TTBK2: variants seen among roughly 807,000 people sequenced by gnomAD.
TTBK2 encodes the protein tau-tubulin kinase 2.
Under a neutral mutation model 110.8 loss-of-function variants are expected in TTBK2, and 28 were observed. The ratio of observed to expected loss-of-function variants is 0.25; its 90% CI spans 0.19 to 0.35. The LOEUF (loss-of-function observed/expected upper bound fraction) is 0.35. TTBK2 is among the 10% of genes least tolerant of loss of function. TTBK2 has a pLI of 1.00. For missense variants in TTBK2, 1,369 were observed against 1,500.3 expected, an observed-to-expected ratio of 0.91 and a Z score of 1.45; for synonymous variants, 532 against 527.3, an observed-to-expected ratio of 1.01 and a Z score of -0.12.
chr15:42,784,407 A>G (rs897009168), intron 10 of TTBK2, among the ~76,000 whole-genome samples: 16 of 151,818 alleles, frequency 1.1e-4, no homozygotes, highest in African/African-American at 3.9e-4. Flanking sequence ...CCTCCTGAGT[A>G]GCTGGGATTA....
chr15:42,783,493 G>A lies in TTBK2; in HGVS notation c.1123C>T (p.Pro375Ser), dbSNP rs1265974015. 2 of 1,614,068 alleles carry A rather than the reference G, an allele frequency of 1.2e-6. No homozygotes were observed. Among genetic ancestry groups the A allele is most frequent in the Non-Finnish European group, 1.7e-6 (2 of 1,180,010 alleles). ...CAAACATCCTTCTCCTGGGGACGGG[G>A]GTGTCCCAGAGATCCAGGCAATTTA... ...PDKLPGSLGH[P>S]RPQEKDVWEE... Residue 375 changes from proline to serine, a missense_variant, in exon 11 of 15, where the codon CCC (proline) becomes TCC (serine). Physicochemically the swap from Pro to Ser is moderately conservative, Grantham distance 74. Around this residue, in one of 4 missense-constraint regions of TTBK2, gnomAD observed 1,097 missense variants for 1,114.7 expected, o/e 0.98. Transcript: ENST00000267890.
intron 13 of TTBK2, among the ~76,000 whole-genome samples, chr15:42,763,215 T>A (rs1889187058): frequency 2.0e-5 from 1 of 49,532 alleles, no homozygotes; most frequent in Non-Finnish European, 3.8e-5. Flanking sequence ...TTTTTTTTTT[T>A]TTTTTTTTTT....
chr15:42,795,482 AT>A (rs1413234294), intron 9 of TTBK2, among the ~76,000 whole-genome samples: 1 of 152,030 alleles, frequency 6.6e-6, no homozygotes, highest in Non-Finnish European at 1.5e-5. Flanking sequence ...AACATTTCCA[AT>A]TTTATGATTA....
intron 13 of TTBK2, among the ~76,000 whole-genome samples, chr15:42,764,774 T>G (rs776644074): frequency 1.3e-5 from 2 of 152,224 alleles, no homozygotes; most frequent in Non-Finnish European, 2.9e-5. Context: ...AGCATGGAGT[T>G]TGAGCTCGGA....
At chr15:42,859,552 A>T (rs1894075471) in intron 3 of TTBK2, among the ~76,000 whole-genome samples, 1 of 152,196 alleles carries the variant, frequency 6.6e-6, no homozygotes, top group Non-Finnish European at 1.5e-5. Context: ...AAGTATAGGC[A>T]CACTAAAAAA....
chr15:42,854,728 A>C (rs1191144957), intron 3 of TTBK2, among the ~76,000 whole-genome samples: 1 of 152,134 alleles, frequency 6.6e-6, no homozygotes, highest in Admixed American at 6.5e-5. Context: ...ATTATAATAA[A>C]GAGTTGACTG....
intron 3 of TTBK2, among the ~76,000 whole-genome samples, chr15:42,850,882 G>A (rs1389453953): frequency 6.6e-6 from 1 of 151,854 alleles, no homozygotes; most frequent in Non-Finnish European, 1.5e-5. Flanking sequence ...ATTACCCAAA[G>A]TGTGAGAAAA....
intron 1 of TTBK2, among the ~76,000 whole-genome samples, chr15:42,894,621 T>C (rs570240873): frequency 6.6e-6 from 1 of 152,022 alleles, no homozygotes; most frequent in African/African-American, 2.4e-5. Context: ...GACATGGTGA[T>C]GCACACCTGT....
At position 42,752,189 on chromosome 15, in the gene TTBK2, C is replaced by T. The variant is rs2140590771; in HGVS notation, c.3057G>A (p.Val1019=). ...CTGTCAGTCTTGAAAAGGGAGTGAG[C>T]ACTTCCTCCTCACAAAAGGGAGCAG... ...TVPAPFCEEE[V]LTPFSRLTVD... Residue 1019 remains valine, a synonymous_variant, in exon 14 of 15, where the codon GTG becomes GTA. Transcript: ENST00000267890. 6.2e-7 allele frequency: 1 copy of T among 1,614,154 alleles called. No homozygotes were observed. Among genetic ancestry groups the T allele is most frequent in the South Asian group, 1.1e-5 (1 of 91,068 alleles).
intron 4 of TTBK2, among the ~76,000 whole-genome samples, chr15:42,831,313 A>G (rs1009121679): frequency 6.6e-6 from 1 of 152,064 alleles, no homozygotes; most frequent in Non-Finnish European, 1.5e-5. Context: ...CTCCCATCTC[A>G]GCCTCCTGAC....
intron 4 of TTBK2, among the ~76,000 whole-genome samples, chr15:42,834,612 G>A (rs1892915251): frequency 6.6e-6 from 1 of 152,082 alleles, no homozygotes; most frequent in Non-Finnish European, 1.5e-5. Flanking sequence ...CAAAAGATGA[G>A]ACAATTTGAA....
intron 4 of TTBK2, among the ~76,000 whole-genome samples, chr15:42,838,208 A>AAAAATAAAAT (rs147460434): frequency 9.9e-5 from 15 of 151,254 alleles, no homozygotes; most frequent in South Asian, 4.2e-4. Context: ...CTCTGTCTCA[A>AAAAATAAAAT]AAAATAAAAT....
Position 42,753,051 on chromosome 15 carries a change from A to G in TTBK2, c.2195T>C (p.Leu732Pro), listed in dbSNP as rs761835191. The change falls in exon 14 of 15, where the codon CTT (leucine) becomes CCT (proline). Residue 732 changes from leucine (L) to proline (P), a missense_variant. Physicochemically the swap from Leu to Pro is moderately conservative, Grantham distance 98. Coordinates refer to ENST00000267890, the MANE Select transcript of TTBK2 (RefSeq NM_173500.4). ...PSGGSRTDLG[L>P]QIDHIGHDML... is the part of the protein sequence containing the mutation. Reference sequence around the variant, plus strand: ...GTCATGACCAATGTGATCTATCTGAAGCCCCAAATCTGTTCTGCTTCCTCC... The same window carrying G: ...GTCATGACCAATGTGATCTATCTGAGGCCCCAAATCTGTTCTGCTTCCTCC... 3.1e-6 allele frequency: 5 copies of G among 1,613,320 alleles called. No individual in the cohort carries two copies. The African/African-American group carries it at 6.7e-5, about 22-fold the overall frequency.
intron 6 of TTBK2, among the ~76,000 whole-genome samples, chr15:42,821,892 G>A (rs564230105): frequency 2.6e-5 from 4 of 151,856 alleles, no homozygotes; most frequent in East Asian, 1.9e-4. Context: ...GAGTTCCACC[G>A]TGTTAGCCAG....
chr15:42,742,857 T>C lies in TTBK2; in HGVS notation c.*2938A>G, dbSNP rs1364487241. On this transcript the variant is annotated 3_prime_UTR_variant, in exon 15 of 15. Transcript: ENST00000267890. The stretch of plus-strand genomic sequence containing the variant: ...ACTGAAACCTGAAATATGCCATCAC[T>C]AAGAGAACCCCCAAATAAAAAATAA... 2 of 152,140 alleles carry C rather than the reference T, an allele frequency of 1.3e-5. No individual in the cohort carries two copies. The highest frequency in any genetic ancestry group is 1.3e-4 in the Admixed American group (2 of 15,268). The allele number at this position is 152,140 out of a possible 1,614,324, so 9.4% of individuals were successfully genotyped here.
At chr15:42,823,771 A>C (rs1266747969) in intron 6 of TTBK2, among the ~76,000 whole-genome samples, 1 of 150,238 alleles carries the variant, frequency 6.7e-6, no homozygotes, top group African/African-American at 2.5e-5. Flanking sequence ...AGCTATTGTT[A>C]GTATATTTTA....
intron 1 of TTBK2, among the ~76,000 whole-genome samples, chr15:42,905,566 C>A (rs2030342724): frequency 6.6e-6 from 1 of 152,044 alleles, no homozygotes; most frequent in Non-Finnish European, 1.5e-5. Context: ...CAGGAAATAT[C>A]TTTTAAATTG....
intron 2 of TTBK2, among the ~76,000 whole-genome samples, chr15:42,873,313 A>G (rs1390980278): frequency 6.6e-6 from 1 of 152,174 alleles, no homozygotes; most frequent in South Asian, 2.1e-4. Flanking sequence ...ACATGCCTGT[A>G]ATCCCAGCTA....
At chr15:42,837,240 C>T (rs1001964872) in intron 4 of TTBK2, among the ~76,000 whole-genome samples, 1 of 151,544 alleles carries the variant, frequency 6.6e-6, no homozygotes, top group African/African-American at 2.4e-5. Context: ...CACCTGCAGT[C>T]CCAGCTACAC....
Sources: gnomAD v4.1 joint callset for allele counts (sites outside exome capture counted in the v4.1 genomes callset) on GRCh38, gnomAD v4.1.1 for gene constraint, gnomAD v4.1.1 regional missense constraint, MANE v1.5 for transcripts, NCBI Gene and HGNC (gene_info 2026-07-23, HGNC 2026-07-21) for gene names.